HERC4: variants seen among roughly 807,000 people sequenced by gnomAD.
HERC4 encodes HECT and RLD domain containing E3 ubiquitin protein ligase 4.
In HERC4, 28 loss-of-function variants were observed where a neutral mutation model predicts 124.3. The observed-to-expected ratio is 0.23, with a 90% CI of 0.17 to 0.31. The LOEUF is 0.31. HERC4 is among the 10% of genes least tolerant of loss of function. The pLI, the probability that HERC4 is intolerant of heterozygous loss-of-function variation, is 1.00. For synonymous variants in HERC4, 407 were observed against 421.5 expected, an observed-to-expected ratio of 0.97 and a Z score of 0.42; for missense variants, 713 against 1,229.3, an observed-to-expected ratio of 0.58 and a Z score of 6.28.
intron 21 of HERC4, among the ~76,000 whole-genome samples, chr10:67,937,141 T>C (rs2032434333): frequency 6.6e-6 from 1 of 152,036 alleles, no homozygotes; most frequent in Non-Finnish European, 1.5e-5. Context: ...AGAATATCAA[T>C]TGAACAAAAA....
chr10:67,927,692 T>C lies in HERC4; in HGVS notation c.2839-2505A>G, dbSNP rs574542609. 3.3e-5 allele frequency among the ~76,000 whole-genome samples: 5 copies of C among 152,118 alleles called. No homozygotes were observed. The South Asian group carries it at 1.0e-3, about 32-fold the overall frequency. On this transcript the variant is annotated intron_variant, in intron 23 of 24. Coordinates refer to ENST00000373700, the MANE Select transcript of HERC4 (RefSeq NM_015601.4). The stretch of plus-strand genomic sequence containing the variant: ...CGCCTGCCTCAGCCTCCCAAAGTGC[T>C]GGGATTACAGGCATGAGCCACTGCG...
intron 3 of HERC4, among the ~76,000 whole-genome samples, chr10:68,055,377 ATG>A (rs2040499527): frequency 6.6e-6 from 1 of 152,226 alleles, no homozygotes. Context: ...ACACTAACTT[ATG>A]TGTCTTAGTT....
At chr10:67,933,627 G>A (rs61857499) in intron 22 of HERC4, among the ~76,000 whole-genome samples, 5,686 of 152,096 alleles carry the variant, frequency 0.037, 166 homozygotes, top group Non-Finnish European at 0.06. Context: ...TTAAAACAAG[G>A]ATATCTAGAA....
At chr10:68,070,090 A>C in intron 3 of HERC4, 1 of 984,870 alleles carries the variant, frequency 1.0e-6, no homozygotes, top group South Asian at 4.7e-5. Flanking sequence ...CTGGGAAATG[A>C]ACTATGTTTA....
intron 9 of HERC4, chr10:67,996,081 G>C: frequency 2.3e-6 from 1 of 430,234 alleles, no homozygotes; most frequent in Admixed American, 2.6e-5. Context: ...CAAGGTAGGA[G>C]GATCACTTGA....
rs556947056 is a variant in HERC4, at chr10:68,043,511, T to A, written c.386+893A>T. Among the ~76,000 whole-genome samples the A allele has an allele frequency of 3.3e-5, 5 of 152,056 alleles. No homozygotes were observed. The South Asian group carries it at 8.3e-4, about 25-fold the overall frequency. On this transcript the variant is annotated intron_variant, in intron 4 of 24. Transcript: ENST00000373700. The stretch of plus-strand genomic sequence containing the variant: ...ACCTATGTAATTCATGCTGTTAGAG[T>A]TTTTAATATTAAAACAATGATTAGC...
In HERC4 at chr10:67,978,218, A is replaced by G. The variant is rs186393205; in HGVS notation, c.1806+10445T>C. Among the ~76,000 whole-genome samples the G allele has an allele frequency of 3.3e-5, 5 of 152,248 alleles. No individual in the cohort carries two copies. The East Asian group carries it at 9.7e-4, about 29-fold the overall frequency. On this transcript the variant is annotated intron_variant, in intron 15 of 24. Coordinates refer to ENST00000373700, the MANE Select transcript of HERC4 (RefSeq NM_015601.4). ...TTGAACCCAGGAGATGGAGGAGCTG[A>G]GATTGCGTCACTGCACTCCAGCCTG...
chr10:67,942,881 T>C (rs147582321), intron 19 of HERC4, among the ~76,000 whole-genome samples: 2 of 152,332 alleles, frequency 1.3e-5, no homozygotes, highest in African/African-American at 4.8e-5. Flanking sequence ...TCTGTATATA[T>C]ACTCTATGCA....
At chr10:67,971,031 T>C (rs1188687182) in intron 15 of HERC4, among the ~76,000 whole-genome samples, 7 of 152,078 alleles carry the variant, frequency 4.6e-5, no homozygotes. Flanking sequence ...TGACACAATT[T>C]ACCACTATCA....
intron 3 of HERC4, chr10:68,070,326 G>GC: frequency 1.1e-6 from 1 of 951,634 alleles, no homozygotes. Flanking sequence ...AACATCTTAG[G>GC]CCAGGAGCAG....
At chr10:68,024,361 T>A (rs2038795292) in intron 8 of HERC4, among the ~76,000 whole-genome samples, 1 of 152,166 alleles carries the variant, frequency 6.6e-6, no homozygotes, top group Non-Finnish European at 1.5e-5. Flanking sequence ...AAATATGGTT[T>A]AACCTACAAA....
intron 3 of HERC4, among the ~76,000 whole-genome samples, chr10:68,048,256 C>T (rs2040115617): frequency 6.6e-6 from 1 of 152,076 alleles, no homozygotes; most frequent in Non-Finnish European, 1.5e-5. Flanking sequence ...TCATAATTGC[C>T]AAAACCCAGA....
intron 3 of HERC4, among the ~76,000 whole-genome samples, chr10:68,056,168 T>C (rs2040539177): frequency 6.6e-6 from 1 of 152,220 alleles, no homozygotes; most frequent in Non-Finnish European, 1.5e-5. Context: ...TACAGTCATA[T>C]AGTTGCTTTA....
In HERC4 at chr10:67,969,239, G is replaced by A. The variant is rs187800848; in HGVS notation, c.1807-2437C>T. 2.6e-5 allele frequency among the ~76,000 whole-genome samples: 4 copies of A among 152,246 alleles called. No homozygotes were observed. In the East Asian group the frequency reaches 7.7e-4, roughly 29 times the overall value. On this transcript the variant is annotated intron_variant, in intron 15 of 24. Transcript: ENST00000373700. Reference sequence around the variant, plus strand: ...CAAGGATCAACAAATCCTTACAAAAGGTAACAGGGTACCAGAATTGGCTCA... The same window carrying A: ...CAAGGATCAACAAATCCTTACAAAAAGTAACAGGGTACCAGAATTGGCTCA...
At chr10:67,950,035 C>T (rs1049901321) in intron 19 of HERC4, among the ~76,000 whole-genome samples, 1 of 150,634 alleles carries the variant, frequency 6.6e-6, no homozygotes, top group East Asian at 1.9e-4. Context: ...AAACAAAAAA[C>T]AAAACAAAAA....
intron 23 of HERC4, among the ~76,000 whole-genome samples, chr10:67,925,815 G>A (rs1360158035): frequency 5.3e-5 from 8 of 152,132 alleles, no homozygotes; most frequent in African/African-American, 1.7e-4. Flanking sequence ...CCTATATGGA[G>A]AGAAGTACTC....
intron 9 of HERC4, chr10:67,993,929 T>C (rs1216720391): frequency 6.6e-6 from 1 of 152,198 alleles, no homozygotes; most frequent in Admixed American, 6.5e-5. Context: ...TGCTATAGAA[T>C]TATCCATTCT....
intron 16 of HERC4, chr10:67,965,741 A>T (rs988898429): frequency 6.6e-6 from 1 of 152,266 alleles, no homozygotes; most frequent in African/African-American, 2.4e-5. Flanking sequence ...GTGCCTAGCA[A>T]GCAATGAAAA....
intron 9 of HERC4, among the ~76,000 whole-genome samples, chr10:68,011,663 T>G (rs2037962864): frequency 6.6e-6 from 1 of 152,220 alleles, no homozygotes; most frequent in Non-Finnish European, 1.5e-5. Flanking sequence ...TGTAAACAGA[T>G]GAGCTGTCAT....
Sources: gnomAD v4.1 joint callset for allele counts (sites outside exome capture counted in the v4.1 genomes callset) on GRCh38, gnomAD v4.1.1 for gene constraint, MANE v1.5 for transcripts, NCBI Gene and HGNC (gene_info 2026-07-23, HGNC 2026-07-21) for gene names.